GPX8: variants seen among roughly 807,000 people sequenced by gnomAD.
GPX8 encodes the protein glutathione peroxidase 8 (putative).
A neutral mutation model predicts 17.8 loss-of-function variants in GPX8; 12 were observed. The observed-to-expected ratio is 0.67, with a 90% CI of 0.43 to 1.09. GPX8 has a LOEUF of 1.09. Among genes scored for constraint, GPX8 ranks in the 50% least tolerant of loss-of-function variants. The probability of loss-of-function intolerance (pLI) is 0.00; values close to 1 mark genes in which losing one functional copy is unlikely to be tolerated. For missense variants in GPX8, 209 were observed against 235.6 expected (o/e 0.89, Z 0.74); for synonymous variants, 86 against 88.1 (o/e 0.98, Z 0.14).
chr5:55,166,643 T>A lies in GPX8; in HGVS notation c.*2425T>A, dbSNP rs1744403970. ...AGGAAAAGTTGAATCTTTCCTATAT[T>A]GGACAATCTTCCTTCAGTCTTGTTT... On this transcript the variant is annotated 3_prime_UTR_variant, in exon 3 of 3. Transcript: ENST00000503787. 1 of 152,208 alleles carries A rather than the reference T, an allele frequency of 6.6e-6. No homozygotes were observed. Among genetic ancestry groups the A allele is most frequent in the African/African-American group, 2.4e-5 (1 of 41,446 alleles). 9.4% of individuals were successfully genotyped at this position (152,208 alleles called of 1,614,324 possible). A position where few individuals can be genotyped will look rare whatever the true frequency, so the allele number is the denominator to read the frequency against.
chr5:55,160,854 T>C (rs1369481732), intron 1 of GPX8, 140 bp from the exon 2 acceptor site: 1 of 871,652 alleles, frequency 1.1e-6, no homozygotes, highest in Non-Finnish European at 1.7e-6. Context: ...TCAATAGAAC[T>C]GTGTATGTCC....
intron 2 of GPX8, 142 bp downstream of exon 2, chr5:55,161,397 C>G (rs113145409): frequency 1.9e-5 from 15 of 791,738 alleles, no homozygotes; most frequent in African/African-American, 1.6e-4. Flanking sequence ...AGAATCTCAT[C>G]CTTTGTAACT....
chr5:55,160,512 A>T (rs1213770031), intron 1 of GPX8, 116 bp downstream of exon 1: 1 of 712,994 alleles, frequency 1.4e-6, no homozygotes, highest in African/African-American at 1.8e-5. Context: ...TAGTCTTCAG[A>T]GTAATGGTAT....
chr5:55,162,874 A>C (rs989097680), intron 2 of GPX8, among the ~76,000 whole-genome samples: 1 of 152,222 alleles, frequency 6.6e-6, no homozygotes, highest in African/African-American at 2.4e-5. Context: ...CTTAGATAGG[A>C]AGGATCATAG....
In GPX8 at chr5:55,165,074, T is replaced by C. The variant is rs2111590120; in HGVS notation, c.*856T>C. ...TTTAACTTGATTCCTTATAGGCTGATTTGGGTTGCTAATGTATTCGTACTA... is the reference window on the plus strand; with the variant it reads ...TTTAACTTGATTCCTTATAGGCTGACTTGGGTTGCTAATGTATTCGTACTA... On this transcript the variant is annotated 3_prime_UTR_variant, in exon 3 of 3. Coordinates refer to ENST00000503787, the MANE Select transcript of GPX8 (RefSeq NM_001008397.4). 6.6e-6 allele frequency: 1 copy of C among 152,312 alleles called. No homozygotes were observed. Among genetic ancestry groups the C allele is most frequent in the Non-Finnish European group, 1.5e-5 (1 of 68,034 alleles). The allele number at this position is 152,312 out of a possible 1,614,324, so 9.4% of individuals were successfully genotyped here. A position where few individuals can be genotyped will look rare whatever the true frequency, so the allele number is the denominator to read the frequency against.
Position 55,160,356 on chromosome 5 carries a change from CA to C in GPX8, c.168del (p.Gly57GlufsTer15). 6.2e-7 allele frequency: 1 copy of C among 1,613,286 alleles called. No homozygotes were observed. The highest frequency in any genetic ancestry group is 8.5e-7 in the Non-Finnish European group (1 of 1,179,896). On this transcript the variant is annotated frameshift_variant, in exon 1 of 3. Coordinates refer to ENST00000503787, the MANE Select transcript of GPX8 (RefSeq NM_001008397.4). LOFTEE classifies it high-confidence loss of function. ...NSFYAFEVKD[A>X]KGRTVSLEKY... ...TTTTATGCCTTTGAAGTGAAGGATG[CA>C]AAAGGAAGAACTGTTTCTCTGGAAA...
chr5:55,161,252 G>C lies in GPX8; in HGVS notation c.463G>C (p.Val155Leu). 6.2e-7 allele frequency: 1 copy of C among 1,613,076 alleles called. No individual in the cohort carries two copies. Among genetic ancestry groups the C allele is most frequent in the Non-Finnish European group, 8.5e-7 (1 of 1,179,460 alleles). Residue 155 changes from valine to leucine, a missense_variant, in exon 2 of 3, where the codon GTT (valine) becomes CTT (leucine). By Grantham distance (32) the Val-to-Leu change is conservative. Coordinates refer to ENST00000503787, the MANE Select transcript of GPX8 (RefSeq NM_001008397.4). Reference protein sequence around the residue: ...SEGEPAFRFLVDSSKKEPRWN... With the variant: ...SEGEPAFRFLLDSSKKEPRWN... Reference sequence around the variant, plus strand: ...AGGAGAACCTGCATTTAGATTTCTTGTTGGTAAATATCTGCCTTGCATATG... The same window carrying C: ...AGGAGAACCTGCATTTAGATTTCTTCTTGGTAAATATCTGCCTTGCATATG...
At position 55,161,272 on chromosome 5, in the gene GPX8, C is replaced by G; in HGVS notation, c.466+17C>G. On this transcript the variant is annotated intron_variant, in intron 2 of 2. Transcript: ENST00000503787. The stretch of plus-strand genomic sequence containing the variant: ...TTCTTGTTGGTAAATATCTGCCTTG[C>G]ATATGCTGTTTTAAATTGCTTTTCA... 1 of 1,604,900 alleles carries G rather than the reference C, an allele frequency of 6.2e-7. No homozygotes were observed. Among genetic ancestry groups the G allele is most frequent in the Non-Finnish European group, 8.5e-7 (1 of 1,174,326 alleles).
At chr5:55,160,649 C>CTT in intron 1 of GPX8, 1 of 492,272 alleles carries the variant, frequency 2.0e-6, no homozygotes, top group South Asian at 3.1e-5. Flanking sequence ...TTGGAAAATA[C>CTT]TTATAGTTAG....
At position 55,162,090 on chromosome 5, in the gene GPX8, C is replaced by CA. The variant is rs34286995; in HGVS notation, c.466+858dup. 4.0e-3 allele frequency among the ~76,000 whole-genome samples: 363 copies of CA among 90,502 alleles called. 2 individuals carry two copies. The highest frequency in any genetic ancestry group is 5.6e-3 in the Middle Eastern group (1 of 178). The allele number at this position is 90,502 out of a possible 152,430, so 59.4% of individuals were successfully genotyped here. The stretch of plus-strand genomic sequence containing the variant: ...AGACACTGTTCTAAACCATATTAGT[C>CA]AAAAAAAAAAAAAAAAAAAAAAAGG... On this transcript the variant is annotated intron_variant, in intron 2 of 2. Coordinates refer to ENST00000503787, the MANE Select transcript of GPX8 (RefSeq NM_001008397.4).
Position 55,167,087 on chromosome 5 carries a change from G to A in GPX8, c.*2869G>A, listed in dbSNP as rs938444634. On this transcript the variant is annotated 3_prime_UTR_variant, in exon 3 of 3. Coordinates refer to ENST00000503787, the MANE Select transcript of GPX8 (RefSeq NM_001008397.4). ...AAAAGAAAAATATCAGGCATCACAT[G>A]AAAGAGTATTCAGCTGTCGTTCTTG... 2.0e-5 allele frequency: 3 copies of A among 152,148 alleles called. No homozygotes were observed. Among genetic ancestry groups the A allele is most frequent in the Non-Finnish European group, 4.4e-5 (3 of 68,026 alleles). The allele number at this position is 152,148 out of a possible 1,614,324, so 9.4% of individuals were successfully genotyped here. A position where few individuals can be genotyped will look rare whatever the true frequency, so the allele number is the denominator to read the frequency against.
In GPX8 at chr5:55,164,206, A is replaced by G; in HGVS notation, c.618A>G (p.Lys206=). 6.4e-7 allele frequency: 1 copy of G among 1,555,832 alleles called. No homozygotes were observed. Among genetic ancestry groups the G allele is most frequent in the Non-Finnish European group, 8.7e-7 (1 of 1,145,934 alleles). The stretch of plus-strand genomic sequence containing the variant: ...TTAGACAAGTGATCATAAAAAAGAA[A>G]GAGGATCTATGAGAATGCCATTGCG... ...ALVRQVIIKK[K]EDL is the part of the protein sequence containing the mutation. The change falls in exon 3 of 3, where the codon AAA becomes AAG. Residue 206 remains lysine (K), a synonymous_variant. Transcript: ENST00000503787.
intron 2 of GPX8, 77 bp downstream of exon 2, chr5:55,161,332 A>G: frequency 7.5e-7 from 1 of 1,333,312 alleles, no homozygotes; most frequent in Non-Finnish European, 1.0e-6. Flanking sequence ...ATACTTTCCT[A>G]TTTCATTTGA....
intron 2 of GPX8, among the ~76,000 whole-genome samples, chr5:55,162,647 C>T (rs888880333): frequency 5.3e-5 from 8 of 152,244 alleles, no homozygotes; most frequent in Non-Finnish European, 5.9e-5. Flanking sequence ...CCATAAATGG[C>T]AACCACAGTG....
At position 55,161,138 on chromosome 5, in the gene GPX8, C is replaced by A; in HGVS notation, c.349C>A (p.Arg117Ser). 6.2e-7 allele frequency: 1 copy of A among 1,614,184 alleles called. No individual in the cohort carries two copies. The highest frequency in any genetic ancestry group is 1.1e-5 in the South Asian group (1 of 91,082). The change falls in exon 2 of 3, where the codon CGC (arginine) becomes AGC (serine). Residue 117 changes from arginine to serine, a missense_variant. Arg to Ser is a moderately radical substitution (Grantham distance 110). Coordinates refer to ENST00000503787, the MANE Select transcript of GPX8 (RefSeq NM_001008397.4). ...PCNQFGESEP[R>S]PSKEVESFAR... The stretch of plus-strand genomic sequence containing the variant: ...CAATCAGTTTGGAGAATCGGAGCCC[C>A]GCCCAAGCAAGGAAGTAGAATCTTT...
Position 55,164,406 on chromosome 5 carries a change from T to TC in GPX8, c.*188_*189insC. The TC allele has an allele frequency of 2.6e-6, 1 of 379,810 alleles. No individual in the cohort carries two copies. The highest frequency in any genetic ancestry group is 4.6e-6 in the Non-Finnish European group (1 of 216,238). 23.5% of individuals were successfully genotyped at this position (379,810 alleles called of 1,614,324 possible). A position where few individuals can be genotyped will look rare whatever the true frequency, so the allele number is the denominator to read the frequency against. ...ATTAAATGTGGCAATGAAGGATTTT[T>TC]TTTTAATGTTATCTTGCTATTAAGT... On this transcript the variant is annotated 3_prime_UTR_variant, in exon 3 of 3. Transcript: ENST00000503787.
rs1337504903 is a variant in GPX8, at chr5:55,160,198, G to T, written c.6G>T (p.Glu2Asp). ...TCCCTCTAGAATCCTCCAACATGGA[G>T]CCTCTTGCAGCTTACCCGCTAAAAT... Reference protein sequence around the residue: MEPLAAYPLKCS... With the variant: MDPLAAYPLKCS... The change falls in exon 1 of 3, where the codon GAG becomes GAT. Residue 2 changes from glutamate to aspartate, a missense_variant. Glu to Asp is a conservative substitution (Grantham distance 45). Transcript: ENST00000503787. 1 of 1,613,298 alleles carries T rather than the reference G, an allele frequency of 6.2e-7. No homozygotes were observed. Among genetic ancestry groups the T allele is most frequent in the Non-Finnish European group, 8.5e-7 (1 of 1,179,404 alleles).
Position 55,166,158 on chromosome 5 carries a change from T to A in GPX8, c.*1940T>A, listed in dbSNP as rs1191320162. On this transcript the variant is annotated 3_prime_UTR_variant, in exon 3 of 3. Transcript: ENST00000503787. The stretch of plus-strand genomic sequence containing the variant: ...GCAGGGGTGTTTTATGCATTCACGT[T>A]AGGAGCATGAGCAGAACTGCATATG... 1 of 152,166 alleles carries A rather than the reference T, an allele frequency of 6.6e-6. No homozygotes were observed. Among genetic ancestry groups the A allele is most frequent in the African/African-American group, 2.4e-5 (1 of 41,416 alleles). 9.4% of individuals were successfully genotyped at this position (152,166 alleles called of 1,614,324 possible).
rs1744437200 is a variant in GPX8, at chr5:55,167,129, C to T, written c.*2911C>T. 1 of 152,154 alleles carries T rather than the reference C, an allele frequency of 6.6e-6. No homozygotes were observed. Among genetic ancestry groups the T allele is most frequent in the Non-Finnish European group, 1.5e-5 (1 of 68,018 alleles). 9.4% of individuals were successfully genotyped at this position (152,154 alleles called of 1,614,324 possible). ...TCGTTCTTGTGAAAAAGGAAAAGGA[C>T]AAAATCAAATGCATTTTAACTGTGG... is the stretch of plus-strand genomic sequence containing the variant. On this transcript the variant is annotated 3_prime_UTR_variant, in exon 3 of 3. Transcript: ENST00000503787.
Sources: gnomAD v4.1 joint callset for allele counts (sites outside exome capture counted in the v4.1 genomes callset) on GRCh38, gnomAD v4.1.1 for gene constraint, MANE v1.5 for transcripts, NCBI Gene and HGNC (gene_info 2026-07-23, HGNC 2026-07-21) for gene names.